ITGA3: variants seen among roughly 807,000 people sequenced by gnomAD.
ITGA3 encodes the protein integrin subunit alpha 3.
In ITGA3, 70 loss-of-function variants were observed where a neutral mutation model predicts 131.1. That is an observed-to-expected ratio of 0.53 (90% CI 0.44 to 0.65). ITGA3 has a LOEUF of 0.65. Ranked by LOEUF, ITGA3 falls within the 30% of genes least tolerant of loss-of-function variation. The probability of loss-of-function intolerance (pLI) is 0.00; values close to 1 mark genes in which losing one functional copy is unlikely to be tolerated. For synonymous variants in ITGA3, 537 were observed against 571.6 expected (o/e 0.94, Z 0.86); for missense variants, 1,098 against 1,388.6 (o/e 0.79, Z 3.33).
intron 1 of ITGA3, among the ~76,000 whole-genome samples, chr17:50,062,332 G>A (rs1171402565): frequency 1.3e-5 from 2 of 152,188 alleles, no homozygotes; most frequent in Admixed American, 1.3e-4. Flanking sequence ...CAGGTCCGTG[G>A]GTTCTCAGGC....
chr17:50,062,895 T>C (rs546409666), intron 1 of ITGA3, among the ~76,000 whole-genome samples: 1 of 152,312 alleles, frequency 6.6e-6, no homozygotes, highest in South Asian at 2.1e-4. Flanking sequence ...GCCATCAGGA[T>C]TGAGCAGGGG....
chr17:50,079,669 C>T, intron 21 of ITGA3, 112 bp downstream of exon 21: 1 of 1,221,626 alleles, frequency 8.2e-7, no homozygotes, highest in Non-Finnish European at 1.1e-6. Flanking sequence ...GTGATGAGGC[C>T]CCTGCTCTTG....
At position 50,074,473 on chromosome 17, in the gene ITGA3, C is replaced by T. The variant is rs1437845952; in HGVS notation, c.1408C>T (p.His470Tyr). 1 of 1,614,100 alleles carries T rather than the reference C, an allele frequency of 6.2e-7. No homozygotes were observed. Among genetic ancestry groups the T allele is most frequent in the Non-Finnish European group, 8.5e-7 (1 of 1,180,004 alleles). ...LRARPVINIV[H>Y]KTLVPRPAVL... ...GGCCCGGCCCGTCATCAACATCGTC[C>T]ACAAGACCTTGGTGCCCAGGCCAGC... The change falls in exon 10 of 26, where the codon CAC becomes TAC. Residue 470 changes from histidine (H) to tyrosine (Y), a missense_variant. His to Tyr is a moderately conservative substitution (Grantham distance 83, BLOSUM62 2). Around this residue, in one of 3 missense-constraint regions of ITGA3, gnomAD observed 699 missense variants for 829.2 expected, o/e 0.84. Transcript: ENST00000320031.
At position 50,088,361 on chromosome 17, in the gene ITGA3, A is replaced by C. The variant is rs1909563049; in HGVS notation, c.*26A>C. ...GGGGGCAGCCCCCCGCCCCCGGCCC[A>C]CCTGGGTAACACGGCCTCCGGGCCC... On this transcript the variant is annotated 3_prime_UTR_variant, in exon 25 of 26. Coordinates refer to ENST00000320031, the MANE Select transcript of ITGA3 (RefSeq NM_002204.4). 6.5e-7 allele frequency: 1 copy of C among 1,532,098 alleles called. No individual in the cohort carries two copies. The highest frequency in any genetic ancestry group is 2.0e-5 in the Admixed American group (1 of 51,156). The allele number at this position is 1,532,098 out of a possible 1,614,324, so 94.9% of individuals were successfully genotyped here.
At chr17:50,087,922 G>A (rs1281397745) in intron 24 of ITGA3, 53 bp downstream of exon 24, 2 of 1,500,602 alleles carry the variant, frequency 1.3e-6, no homozygotes, top group Non-Finnish European at 1.8e-6. Flanking sequence ...ACACTCACCA[G>A]CCCTTCCTCC....
intron 23 of ITGA3, chr17:50,086,535 A>T: frequency 6.6e-6 from 1 of 150,644 alleles, no homozygotes; most frequent in Admixed American, 6.7e-5. Flanking sequence ...CTAAAAATAC[A>T]AAAATTAATT....
In ITGA3 at chr17:50,078,144, C is replaced by G; in HGVS notation, c.2219+19C>G. 1 of 1,613,204 alleles carries G rather than the reference C, an allele frequency of 6.2e-7. No individual in the cohort carries two copies. The highest frequency in any genetic ancestry group is 8.5e-7 in the Non-Finnish European group (1 of 1,179,288). On this transcript the variant is annotated intron_variant, in intron 17 of 25. Coordinates refer to ENST00000320031, the MANE Select transcript of ITGA3 (RefSeq NM_002204.4). ...TCTCCACGTGAGTGACCTCGAAAAG[C>G]CAGTCTGGGTCAGGGCTGAGGTATC...
At chr17:50,079,606 G>A (rs755616618) in intron 21 of ITGA3, 49 bp downstream of exon 21, 4 of 1,466,662 alleles carry the variant, frequency 2.7e-6, no homozygotes, top group Non-Finnish European at 3.6e-6. Flanking sequence ...CCCCATCACA[G>A]GGTGCCTGGG....
intron 4 of ITGA3, among the ~76,000 whole-genome samples, chr17:50,068,814 TTTTA>T (rs373411924): frequency 0.07 from 8,256 of 118,444 alleles, 274 homozygotes; most frequent in Middle Eastern, 0.14. Flanking sequence ...AATCAGTCTT[TTTTA>T]TTTATTTATT....
At chr17:50,080,463 G>GGA in intron 22 of ITGA3, 88 bp downstream of exon 22, 1 of 504,784 alleles carries the variant, frequency 2.0e-6, no homozygotes. Flanking sequence ...TCATAGCATG[G>GGA]GTGTGTGTGT....
intron 15 of ITGA3, 115 bp from the exon 16 acceptor site, chr17:50,077,264 T>A: frequency 7.6e-7 from 1 of 1,318,190 alleles, no homozygotes; most frequent in East Asian, 2.3e-5. Flanking sequence ...TTAGCGTCTC[T>A]GCTGCTTGGA....
rs144084893 is a variant in ITGA3, at chr17:50,078,295, C to T, written c.2297+11C>T. ...GACCTCGCTTAGCATGTGGGTACCG[C>T]TCTCCACCACCCCCACCCCAGCCTG... On this transcript the variant is annotated intron_variant, in intron 18 of 25. Coordinates refer to ENST00000320031, the MANE Select transcript of ITGA3 (RefSeq NM_002204.4). 1 of 1,608,088 alleles carries T rather than the reference C, an allele frequency of 6.2e-7. No individual in the cohort carries two copies. The highest frequency in any genetic ancestry group is 2.2e-5 in the East Asian group (1 of 44,832).
intron 6 of ITGA3, 153 bp downstream of exon 6, chr17:50,071,671 G>A (rs1908638576): frequency 2.8e-6 from 2 of 710,010 alleles, no homozygotes; most frequent in Non-Finnish European, 4.6e-6. Context: ...GGGAGTCTGA[G>A]CACCTGCACA....
chr17:50,078,597 G>A (rs1369076424), intron 18 of ITGA3, among the ~76,000 whole-genome samples: 1 of 152,198 alleles, frequency 6.6e-6, no homozygotes, highest in Non-Finnish European at 1.5e-5. Flanking sequence ...CAGCAGCCCT[G>A]TGATACAACA....
intron 23 of ITGA3, among the ~76,000 whole-genome samples, chr17:50,084,935 G>A (rs549568939): frequency 6.6e-5 from 10 of 152,236 alleles, no homozygotes; most frequent in Admixed American, 6.5e-4. Flanking sequence ...GAAAGAGACC[G>A]GGCGTGGTGG....
At position 50,074,291 on chromosome 17, in the gene ITGA3, A is replaced by G. The variant is rs760837392; in HGVS notation, c.1382+11A>G. The G allele has an allele frequency of 6.2e-7, 1 of 1,613,694 alleles. No individual in the cohort carries two copies. Among genetic ancestry groups the G allele is most frequent in the Non-Finnish European group, 8.5e-7 (1 of 1,179,760 alleles). On this transcript the variant is annotated intron_variant, in intron 9 of 25. Transcript: ENST00000320031. ...CATTGTGCTGCTGCGGTGAGCCAGG[A>G]GGCCAGTGAATAAGGGTCTTTCTCT...
In ITGA3 at chr17:50,056,421, C is replaced by A. The variant is rs748793535; in HGVS notation, c.-19C>A. 3.4e-6 allele frequency: 5 copies of A among 1,462,498 alleles called. No homozygotes were observed. Among genetic ancestry groups the A allele is most frequent in the Non-Finnish European group, 4.5e-6 (5 of 1,111,436 alleles). The allele number at this position is 1,462,498 out of a possible 1,614,324, so 90.6% of individuals were successfully genotyped here. On this transcript the variant is annotated 5_prime_UTR_variant, in exon 1 of 26. Coordinates refer to ENST00000320031, the MANE Select transcript of ITGA3 (RefSeq NM_002204.4). This position sits in a 1 kb window ranked among gnomAD's most constrained non-coding sequence, Gnocchi z 5.6. ...CGCCCTCACGCGCTCTCGCCGGGAC[C>A]CCGCTTCCGCTGGCAGCCATGGGCC...
chr17:50,076,243 T>TCTC, intron 12 of ITGA3, 83 bp from the exon 13 acceptor site: 1 of 1,482,760 alleles, frequency 6.7e-7, no homozygotes, highest in Non-Finnish European at 9.2e-7. Context: ...GTCCAGCTCT[T>TCTC]CTCTGGGGTT....
chr17:50,060,534 A>T (rs1361840861), intron 1 of ITGA3, among the ~76,000 whole-genome samples: 1 of 152,116 alleles, frequency 6.6e-6, no homozygotes, highest in East Asian at 1.9e-4. Context: ...CTTTTTCGGA[A>T]CTTGGAGCTC....
Sources: gnomAD v4.1 joint callset for allele counts (sites outside exome capture counted in the v4.1 genomes callset) on GRCh38, gnomAD v4.1.1 for gene constraint, gnomAD v4.1.1 regional missense constraint, Gnocchi (gnomAD v3.1) non-coding constraint, MANE v1.5 for transcripts, NCBI Gene and HGNC (gene_info 2026-07-23, HGNC 2026-07-21) for gene names.